The following ARHGAP18 variants were observed in gnomAD, a reference collection of about 807,000 sequenced individuals.
ARHGAP18 encodes the protein rho GTPase-activating protein 18.
ARHGAP18 carries 67 observed loss-of-function variants against 86.2 expected under a neutral mutation model. The ratio of observed to expected loss-of-function variants is 0.78; its 90% CI spans 0.64 to 0.95. The LOEUF (loss-of-function observed/expected upper bound fraction) is 0.95, where lower values mean the gene tolerates loss of function less well. Ranked by LOEUF, ARHGAP18 falls within the 40% of genes least tolerant of loss-of-function variation. ARHGAP18 has a pLI of 0.00. For synonymous variants in ARHGAP18, 283 were observed against 280.4 expected (o/e 1.01, Z -0.09); for missense variants, 691 against 780.4 (o/e 0.89, Z 1.37).
intron 8 of ARHGAP18, among the ~76,000 whole-genome samples, chr6:129,611,009 C>T (rs1788967464): frequency 6.6e-6 from 1 of 152,110 alleles, no homozygotes; most frequent in Non-Finnish European, 1.5e-5. Context: ...CAATCCTCTC[C>T]ACTCAGCTTC....
At chr6:129,631,393 A>C (rs1291856277) in intron 4 of ARHGAP18, among the ~76,000 whole-genome samples, 1 of 93,048 alleles carries the variant, frequency 1.1e-5, no homozygotes, top group Non-Finnish European at 2.6e-5. Context: ...AAAGCAATGC[A>C]AAAAAAAAAT....
chr6:129,588,290 G>C (rs1057080292), intron 12 of ARHGAP18, among the ~76,000 whole-genome samples: 1 of 152,024 alleles, frequency 6.6e-6, no homozygotes, highest in Non-Finnish European at 1.5e-5. Context: ...GTTAATTTTT[G>C]TATTTTAAAT....
At chr6:129,591,946 C>G (rs1261581086) in intron 12 of ARHGAP18, among the ~76,000 whole-genome samples, 1 of 152,198 alleles carries the variant, frequency 6.6e-6, no homozygotes, top group Non-Finnish European at 1.5e-5. Flanking sequence ...GAATTCGCTA[C>G]TATCTTGAAC....
intron 12 of ARHGAP18, among the ~76,000 whole-genome samples, chr6:129,585,675 T>A (rs961904898): frequency 6.6e-6 from 1 of 152,186 alleles, no homozygotes; most frequent in Non-Finnish European, 1.5e-5. Flanking sequence ...CAGAACACAT[T>A]ACTCCAAACC....
intron 5 of ARHGAP18, among the ~76,000 whole-genome samples, chr6:129,627,013 C>T (rs1220947767): frequency 1.3e-5 from 2 of 152,022 alleles, no homozygotes; most frequent in African/African-American, 2.4e-5. Context: ...ATCAGAGTTT[C>T]CTGCAGAAAC....
intron 13 of ARHGAP18, among the ~76,000 whole-genome samples, chr6:129,582,098 T>C (rs1283284021): frequency 6.6e-6 from 1 of 151,780 alleles, no homozygotes; most frequent in Non-Finnish European, 1.5e-5. Flanking sequence ...GTGAGGTAAA[T>C]GGAGAAGTTT....
chr6:129,625,399 A>ATTATATATAATATATATTT (rs1789375663), intron 5 of ARHGAP18, among the ~76,000 whole-genome samples: 2 of 61,728 alleles, frequency 3.2e-5, no homozygotes, highest in Non-Finnish European at 5.0e-5. Context: ...ATTTATACAT[A>ATTATATATAATATATATTT]TGTATTATAT....
In ARHGAP18 at chr6:129,637,676, A is replaced by G. The variant is rs553207433; in HGVS notation, c.552+718T>C. On this transcript the variant is annotated intron_variant, in intron 3 of 14. Coordinates refer to ENST00000368149, the MANE Select transcript of ARHGAP18 (RefSeq NM_033515.3). The stretch of plus-strand genomic sequence containing the variant: ...CCAACTGTTCAAACCATATTCAAAA[A>G]AGGCAAACACAAAGCTGTAACCAAT... 4.6e-5 allele frequency among the ~76,000 whole-genome samples: 7 copies of G among 152,334 alleles called. No homozygotes were observed. In the South Asian group the frequency reaches 1.5e-3, roughly 32 times the overall value.
In ARHGAP18 at chr6:129,576,940, A is replaced by G. The variant is rs2114419259; in HGVS notation, c.*1573T>C. 1 of 152,250 alleles carries G rather than the reference A, an allele frequency of 6.6e-6. No individual in the cohort carries two copies. The highest frequency in any genetic ancestry group is 1.5e-5 in the Non-Finnish European group (1 of 68,002). 9.4% of individuals were successfully genotyped at this position (152,250 alleles called of 1,614,324 possible). A position where few individuals can be genotyped will look rare whatever the true frequency, so the allele number is the denominator to read the frequency against. ...AAAAACTAAAGACGAAAACATATTT[A>G]CATCTCTGACATCTTCCTACTTTAA... is the stretch of plus-strand genomic sequence containing the variant. On this transcript the variant is annotated 3_prime_UTR_variant, in exon 15 of 15. Transcript: ENST00000368149.
In ARHGAP18 at chr6:129,633,798, C is replaced by T. The variant is rs541254377; in HGVS notation, c.616+244G>A. Among the ~76,000 whole-genome samples the T allele has an allele frequency of 6.0e-4, 91 of 152,192 alleles. No individual in the cohort carries two copies. The South Asian group carries it at 0.016, about 26-fold the overall frequency. On this transcript the variant is annotated intron_variant, in intron 4 of 14. Transcript: ENST00000368149. ...GTAAACATCTCCTGATAGCATCTGG[C>T]ACATGATAAGCACTCAGGAAGATAC... is the stretch of plus-strand genomic sequence containing the variant.
rs577070164 is a variant in ARHGAP18 at position 129,608,064 on chromosome 6, GAAAAA to G, written c.1123-17_1123-13del. 9.3e-3 allele frequency: 9,043 copies of G among 970,748 alleles called. No homozygotes were observed. Among genetic ancestry groups the G allele is most frequent in the East Asian group, 0.03 (644 of 21,152 alleles). The allele number at this position is 970,748 out of a possible 1,614,324, so 60.1% of individuals were successfully genotyped here. ...TCTTGGCAAAGATTCTGATAGGCAC[GAAAAA>G]AAAAAAAAAAAAAAAAAGAAGCAGC... is the stretch of plus-strand genomic sequence containing the variant. On this transcript the variant is annotated splice_polypyrimidine_tract_variant and intron_variant, in intron 8 of 14. Coordinates refer to ENST00000368149, the MANE Select transcript of ARHGAP18 (RefSeq NM_033515.3).
intron 1 of ARHGAP18, among the ~76,000 whole-genome samples, chr6:129,653,559 C>T (rs1773760958): frequency 6.6e-6 from 1 of 152,086 alleles, no homozygotes; most frequent in Non-Finnish European, 1.5e-5. Context: ...AGCTTAGAAA[C>T]AATTCATTTA....
At chr6:129,593,977 T>C (rs1031732803) in intron 12 of ARHGAP18, among the ~76,000 whole-genome samples, 1 of 152,186 alleles carries the variant, frequency 6.6e-6, no homozygotes, top group African/African-American at 2.4e-5. Flanking sequence ...TTTAATAGCA[T>C]ACAAAATTAT....
At chr6:129,647,048 T>G (rs1773594797) in intron 1 of ARHGAP18, among the ~76,000 whole-genome samples, 1 of 152,184 alleles carries the variant, frequency 6.6e-6, no homozygotes, top group Non-Finnish European at 1.5e-5. Flanking sequence ...TTGTTTTTGT[T>G]TAGTTCTGTA....
intron 3 of ARHGAP18, among the ~76,000 whole-genome samples, chr6:129,635,929 G>T (rs976994262): frequency 3.3e-5 from 5 of 152,202 alleles, no homozygotes; most frequent in African/African-American, 4.8e-5. Flanking sequence ...CCAGAAACTT[G>T]CTGGAAAAAT....
intron 9 of ARHGAP18, among the ~76,000 whole-genome samples, chr6:129,606,641 A>G (rs534841393): frequency 5.7e-4 from 87 of 152,328 alleles, no homozygotes; most frequent in African/African-American, 2.0e-3. Context: ...AGCACAATTT[A>G]AACATTAAAA....
At chr6:129,656,276 C>A (rs1360682401) in intron 1 of ARHGAP18, among the ~76,000 whole-genome samples, 1 of 152,154 alleles carries the variant, frequency 6.6e-6, no homozygotes, top group Non-Finnish European at 1.5e-5. Flanking sequence ...GTGGGACAAA[C>A]AACAGGTGTT....
At chr6:129,669,741 T>C (rs1008113025) in intron 1 of ARHGAP18, among the ~76,000 whole-genome samples, 2 of 151,132 alleles carry the variant, frequency 1.3e-5, no homozygotes, top group African/African-American at 4.9e-5. Flanking sequence ...GCCGAGATCA[T>C]GCCACTGCAC....
At chr6:129,682,324 G>C (rs1774338013) in intron 1 of ARHGAP18, among the ~76,000 whole-genome samples, 1 of 152,212 alleles carries the variant, frequency 6.6e-6, no homozygotes, top group Non-Finnish European at 1.5e-5. Flanking sequence ...TGCCAAGCCA[G>C]AATCCTGACA....
Sources: gnomAD v4.1 joint callset for allele counts (sites outside exome capture counted in the v4.1 genomes callset) on GRCh38, gnomAD v4.1.1 for gene constraint, MANE v1.5 for transcripts, NCBI Gene and HGNC (gene_info 2026-07-23, HGNC 2026-07-21) for gene names.